The following ERC2 variants were observed in gnomAD, a reference collection of about 807,000 sequenced individuals.
ERC2 encodes ERC protein 2.
In ERC2, 42 loss-of-function variants were observed where a neutral mutation model predicts 114.8. The ratio of observed to expected loss-of-function variants is 0.37; its 90% CI spans 0.29 to 0.47. ERC2 has a LOEUF of 0.47. ERC2 is among the 20% of genes least tolerant of loss of function. The pLI, the probability that ERC2 is intolerant of heterozygous loss-of-function variation, is 0.99. For missense variants in ERC2, 939 were observed against 1,150.7 expected (o/e 0.82, Z 2.66); for synonymous variants, 454 against 425.5 (o/e 1.07, Z -0.82).
chr3:56,424,253 C>G, intron 2 of ERC2, among the ~76,000 whole-genome samples: 1 of 152,046 alleles, frequency 6.6e-6, no homozygotes, highest in East Asian at 1.9e-4. Flanking sequence ...CTAAAATAAT[C>G]TATTCATTGA....
chr3:55,525,745 G>A (rs2053270108), intron 17 of ERC2, among the ~76,000 whole-genome samples: 1 of 152,166 alleles, frequency 6.6e-6, no homozygotes, highest in South Asian at 2.1e-4. Flanking sequence ...ACTAGATGCT[G>A]CCTTCAGGCA....
chr3:56,035,252 G>A (rs575498890), intron 7 of ERC2, among the ~76,000 whole-genome samples: 8 of 152,100 alleles, frequency 5.3e-5, no homozygotes, highest in Non-Finnish European at 8.8e-5. Context: ...TTAGAAACAC[G>A]TAACCTACCA....
intron 3 of ERC2, among the ~76,000 whole-genome samples, chr3:56,287,238 A>G (rs776908065): frequency 7.9e-5 from 12 of 152,218 alleles, no homozygotes; most frequent in Admixed American, 2.0e-4. Flanking sequence ...TACTCAACAA[A>G]AACTAGGTAA....
chr3:56,464,096 T>C (rs1420804309), intron 1 of ERC2, among the ~76,000 whole-genome samples: 1 of 152,188 alleles, frequency 6.6e-6, no homozygotes, highest in Non-Finnish European at 1.5e-5. Flanking sequence ...AGTGAGGGGA[T>C]GAAAATTGCA....
At chr3:56,215,201 T>C (rs1174378819) in intron 3 of ERC2, among the ~76,000 whole-genome samples, 3 of 152,058 alleles carry the variant, frequency 2.0e-5, no homozygotes, top group Non-Finnish European at 2.9e-5. Flanking sequence ...GACTGGCAAA[T>C]TGGATAAAGA....
At chr3:56,352,355 T>C (rs2058586387) in intron 2 of ERC2, among the ~76,000 whole-genome samples, 1 of 152,166 alleles carries the variant, frequency 6.6e-6, no homozygotes, top group African/African-American at 2.4e-5. Flanking sequence ...CACTGATTTG[T>C]ACAGGGGTTA....
chr3:55,562,096 C>T (rs1316564811), intron 17 of ERC2, among the ~76,000 whole-genome samples: 1 of 152,166 alleles, frequency 6.6e-6, no homozygotes, highest in Non-Finnish European at 1.5e-5. Context: ...AGCTATACCT[C>T]AAGGCAATAG....
intron 1 of ERC2, among the ~76,000 whole-genome samples, chr3:56,451,632 G>A (rs1382811178): frequency 6.6e-6 from 1 of 152,206 alleles, no homozygotes; most frequent in Non-Finnish European, 1.5e-5. Context: ...GTCAGTAAGT[G>A]CAGTAAGTAA....
chr3:56,252,757 C>CAAAAAAAAAAAAAAAAAAA (rs71099628), intron 3 of ERC2, among the ~76,000 whole-genome samples: 3 of 74,168 alleles, frequency 4.0e-5, no homozygotes, highest in African/African-American at 5.7e-5. Flanking sequence ...AACTCTGTCT[C>CAAAAAAAAAAAAAAAAAAA]AAAAAAAAAA....
At chr3:56,012,231 A>G (rs932212872) in intron 8 of ERC2, among the ~76,000 whole-genome samples, 2 of 152,028 alleles carry the variant, frequency 1.3e-5, no homozygotes, top group Admixed American at 6.6e-5. Flanking sequence ...TTTTGCCCAC[A>G]CTACAACCAA....
chr3:56,365,145 C>T (rs2059102468), intron 2 of ERC2, among the ~76,000 whole-genome samples: 1 of 152,194 alleles, frequency 6.6e-6, no homozygotes, highest in African/African-American at 2.4e-5. Flanking sequence ...ATTTTTACTG[C>T]TGCTGTTGCT....
chr3:56,333,415 G>T (rs1306841357), intron 2 of ERC2, among the ~76,000 whole-genome samples: 1 of 152,190 alleles, frequency 6.6e-6, no homozygotes, highest in Non-Finnish European at 1.5e-5. Flanking sequence ...TAACTTTGTG[G>T]ACTATGAAGC....
chr3:56,162,425 C>T lies in ERC2; in HGVS notation c.1149+11021G>A, dbSNP rs529476638. 7.9e-5 allele frequency among the ~76,000 whole-genome samples: 12 copies of T among 152,126 alleles called. No individual in the cohort carries two copies. The East Asian group carries it at 2.3e-3, about 29-fold the overall frequency. ...GTTAGGGAGGAGTCCGTGTTCCTTG[C>T]CTTTTTGCTATAGTTCCAGTAAAAC... On this transcript the variant is annotated intron_variant, in intron 4 of 17. Transcript: ENST00000288221.
At chr3:55,744,863 A>C (rs537068494) in intron 14 of ERC2, among the ~76,000 whole-genome samples, 30 of 152,368 alleles carry the variant, frequency 2.0e-4, no homozygotes, top group African/African-American at 7.2e-4. Flanking sequence ...CGGTAACCGG[A>C]TCATCGTGAG....
intron 2 of ERC2, among the ~76,000 whole-genome samples, chr3:56,428,558 A>AGGGAGGGAGGAAGG (rs2061666065): frequency 1.6e-5 from 1 of 64,340 alleles, no homozygotes. Context: ...GAAGGAAGGG[A>AGGGAGGGAGGAAGG]GGGAGGGAGG....
intron 3 of ERC2, among the ~76,000 whole-genome samples, chr3:56,196,070 T>C (rs1378306425): frequency 6.6e-6 from 1 of 152,086 alleles, no homozygotes; most frequent in Non-Finnish European, 1.5e-5. Flanking sequence ...TTTAGCCAGC[T>C]AAAAATTACT....
At chr3:56,349,327 G>T (rs748848445) in intron 2 of ERC2, among the ~76,000 whole-genome samples, 13 of 152,054 alleles carry the variant, frequency 8.5e-5, no homozygotes, top group Non-Finnish European at 1.9e-4. Flanking sequence ...TTGAATAAGT[G>T]AACCATTGGC....
chr3:55,943,699 T>C (rs897667321), intron 13 of ERC2, among the ~76,000 whole-genome samples: 1 of 152,208 alleles, frequency 6.6e-6, no homozygotes, highest in Non-Finnish European at 1.5e-5. Context: ...GAAAGCATTT[T>C]AGAAAGCACA....
chr3:55,895,585 G>A (rs1398214120), intron 13 of ERC2, among the ~76,000 whole-genome samples: 1 of 152,170 alleles, frequency 6.6e-6, no homozygotes, highest in South Asian at 2.1e-4. Context: ...CAATATGTAT[G>A]CTTAGTTGCT....
Sources: gnomAD v4.1 joint callset for allele counts (sites outside exome capture counted in the v4.1 genomes callset) on GRCh38, gnomAD v4.1.1 for gene constraint, MANE v1.5 for transcripts, NCBI Gene and HGNC (gene_info 2026-07-23, HGNC 2026-07-21) for gene names.